Variants in ITGA9 observed in about 807,000 individuals in gnomAD.
The protein encoded by ITGA9 is integrin subunit alpha 9.
Under a neutral mutation model 127.8 loss-of-function variants are expected in ITGA9, and 56 were observed. The ratio of observed to expected loss-of-function variants is 0.44; its 90% CI spans 0.35 to 0.55. ITGA9 has a LOEUF of 0.55. Among genes scored for constraint, ITGA9 ranks in the 20% least tolerant of loss-of-function variants. The pLI is 0.00. For synonymous variants in ITGA9, 508 were observed against 514.5 expected, an observed-to-expected ratio of 0.99 and a Z score of 0.17; for missense variants, 1,196 against 1,347.1, an observed-to-expected ratio of 0.89 and a Z score of 1.76.
chr3:37,518,286 TGTG>T (rs1451890891), intron 10 of ITGA9, among the ~76,000 whole-genome samples: 1 of 152,200 alleles, frequency 6.6e-6, no homozygotes, highest in Non-Finnish European at 1.5e-5. Flanking sequence ...CACCAGGGCA[TGTG>T]GTGGTGGAGG....
chr3:37,643,409 C>A (rs896213117), intron 16 of ITGA9, among the ~76,000 whole-genome samples: 1 of 152,256 alleles, frequency 6.6e-6, no homozygotes, highest in Non-Finnish European at 1.5e-5. Flanking sequence ...AAGGTTAACC[C>A]CAACGGGAAA....
At position 37,757,165 on chromosome 3, in the gene ITGA9, A is replaced by G. The variant is rs1433729853; in HGVS notation, c.2541+6596A>G. ...AAGTAAAATGAAGGTATTATTAAAG[A>G]CAAAGCATATCCTGAAATAGAAAAA... On this transcript the variant is annotated intron_variant, in intron 23 of 27. Coordinates refer to ENST00000264741, the MANE Select transcript of ITGA9 (RefSeq NM_002207.3). Among the ~76,000 whole-genome samples, 8 of 152,056 alleles carry G rather than the reference A, an allele frequency of 5.3e-5. 1 individual carries two copies. The highest frequency in any genetic ancestry group is 1.2e-4 in the African/African-American group (5 of 41,310).
rs760292229 is a variant in ITGA9, at chr3:37,732,739, C to T, written c.2095C>T (p.Leu699=). 3 of 1,610,854 alleles carry T rather than the reference C, an allele frequency of 1.9e-6. No homozygotes were observed. The highest frequency in any genetic ancestry group is 1.1e-5 in the South Asian group (1 of 89,618). Residue 699 remains leucine, a synonymous_variant, in exon 19 of 28, where the codon CTG becomes TTG. Coordinates refer to ENST00000264741, the MANE Select transcript of ITGA9 (RefSeq NM_002207.3). ...GGAGATGGGCATCTCCTGTGAGCTG[C>T]TGGAATCGGACTTCCTCAAATGCAG... ...KEEMGISCEL[L]ESDFLKCSVG...
At chr3:37,527,541 C>G (rs1229304091) in intron 13 of ITGA9, among the ~76,000 whole-genome samples, 3 of 152,174 alleles carry the variant, frequency 2.0e-5, no homozygotes, top group African/African-American at 4.8e-5. Context: ...CTCCCTGGTT[C>G]CTGTAATTAT....
At position 37,512,003 on chromosome 3, in the gene ITGA9, CTTTTCTTTTCTTTTCTTTTCTTTTCTTT is replaced by C. The variant is rs1489706948; in HGVS notation, c.898-1759_898-1732del. On this transcript the variant is annotated intron_variant, in intron 8 of 27. Transcript: ENST00000264741. ...CTTTTCTTTTCTTTTCTTTTCTTTT[CTTTTCTTTTCTTTTCTTTTCTTTTCTTT>C]CTTTCTTTCTTTCTTTCTTTCTTTC... Among the ~76,000 whole-genome samples, 20 of 36,212 alleles carry C rather than the reference CTTTTCTTTTCTTTTCTTTTCTTTTCTTT, an allele frequency of 5.5e-4. 3 individuals carry two copies. The highest frequency in any genetic ancestry group is 2.4e-3 in the Admixed American group (7 of 2,924). The allele number at this position is 36,212 out of a possible 152,430, so 23.8% of individuals were successfully genotyped here.
chr3:37,615,413 T>C (rs1700064317), intron 15 of ITGA9, among the ~76,000 whole-genome samples: 2 of 152,240 alleles, frequency 1.3e-5, no homozygotes, highest in Admixed American at 1.3e-4. Context: ...TCAGGGATAC[T>C]GGTCTAAAAT....
chr3:37,620,841 C>A (rs1700120654), intron 15 of ITGA9, among the ~76,000 whole-genome samples: 1 of 152,208 alleles, frequency 6.6e-6, no homozygotes, highest in African/African-American at 2.4e-5. Flanking sequence ...TGGATTGCCA[C>A]CATTCTTGTA....
At chr3:37,750,832 G>T (rs1413618973) in intron 23 of ITGA9, among the ~76,000 whole-genome samples, 1 of 152,256 alleles carries the variant, frequency 6.6e-6, no homozygotes, top group African/African-American at 2.4e-5. Context: ...GACTTCGCTG[G>T]CTCTGGGAAC....
chr3:37,480,795 C>T (rs1698544728), intron 3 of ITGA9, among the ~76,000 whole-genome samples: 1 of 152,192 alleles, frequency 6.6e-6, no homozygotes, highest in African/African-American at 2.4e-5. Flanking sequence ...TCGCCCATCT[C>T]CACTGCCCCT....
At chr3:37,664,387 T>C (rs1053580273) in intron 17 of ITGA9, among the ~76,000 whole-genome samples, 3 of 151,228 alleles carry the variant, frequency 2.0e-5, no homozygotes, top group Admixed American at 2.0e-4. Flanking sequence ...TCCTGCTGGG[T>C]CAGTGGCAGT....
At chr3:37,604,811 G>A (rs551904915) in intron 15 of ITGA9, among the ~76,000 whole-genome samples, 1 of 152,190 alleles carries the variant, frequency 6.6e-6, no homozygotes, top group African/African-American at 2.4e-5. Context: ...AAATCATGCA[G>A]AGGTTCTCAG....
At chr3:37,543,084 A>G (rs183164310) in intron 15 of ITGA9, among the ~76,000 whole-genome samples, 78 of 152,044 alleles carry the variant, frequency 5.1e-4, no homozygotes, top group Non-Finnish European at 7.9e-4. Flanking sequence ...TTTTTTGGCA[A>G]CCTTTCCCCT....
At chr3:37,585,524 C>T (rs553420271) in intron 15 of ITGA9, 4 of 466,778 alleles carry the variant, frequency 8.6e-6, no homozygotes, top group South Asian at 4.6e-5. Flanking sequence ...CTTAGCATGC[C>T]CGTTGGGACA....
chr3:37,579,765 G>A (rs1699688020), intron 15 of ITGA9, among the ~76,000 whole-genome samples: 1 of 152,058 alleles, frequency 6.6e-6, no homozygotes, highest in Admixed American at 6.6e-5. Flanking sequence ...TAGGCCATTT[G>A]GAAGCCAGGA....
At chr3:37,617,842 G>C (rs547781651) in intron 15 of ITGA9, among the ~76,000 whole-genome samples, 51 of 152,224 alleles carry the variant, frequency 3.4e-4, no homozygotes, top group African/African-American at 1.1e-3. Context: ...CTCTGCATTG[G>C]TTATTCTAGT....
chr3:37,673,650 C>A (rs1314574385), intron 17 of ITGA9, among the ~76,000 whole-genome samples: 1 of 152,182 alleles, frequency 6.6e-6, no homozygotes, highest in African/African-American at 2.4e-5. Context: ...GTTTGCTCTT[C>A]TGGTTCTTTT....
chr3:37,788,525 C>T (rs1212195161), intron 26 of ITGA9, among the ~76,000 whole-genome samples: 1 of 152,074 alleles, frequency 6.6e-6, no homozygotes, highest in Non-Finnish European at 1.5e-5. Flanking sequence ...GTATTATGCT[C>T]ATTTTATAGA....
intron 16 of ITGA9, among the ~76,000 whole-genome samples, chr3:37,652,076 C>T (rs1700434112): frequency 6.6e-6 from 1 of 151,706 alleles, no homozygotes; most frequent in Non-Finnish European, 1.5e-5. Context: ...GGGGCCAGTC[C>T]AGGTTTTGTG....
In ITGA9 at chr3:37,555,686, G is replaced by A. The variant is rs115164772; in HGVS notation, c.1689+13101G>A. ...ATTGAGGTCACATTGACTGTTTCAC[G>A]TTGTACTTAGACATGCTGATTAAAA... On this transcript the variant is annotated intron_variant, in intron 15 of 27. Transcript: ENST00000264741. 1.6e-3 allele frequency among the ~76,000 whole-genome samples: 246 copies of A among 152,344 alleles called. 1 individual carries two copies. Among genetic ancestry groups the A allele is most frequent in the African/African-American group, 5.7e-3 (239 of 41,576 alleles).
Sources: gnomAD v4.1 joint callset for allele counts (sites outside exome capture counted in the v4.1 genomes callset) on GRCh38, gnomAD v4.1.1 for gene constraint, MANE v1.5 for transcripts, NCBI Gene and HGNC (gene_info 2026-07-23, HGNC 2026-07-21) for gene names.